Variants in NEK11 observed in about 807,000 individuals in gnomAD.
NEK11 encodes the protein serine/threonine-protein kinase Nek11.
NEK11 carries 72 observed loss-of-function variants against 80.7 expected under a neutral mutation model. That is an observed-to-expected ratio of 0.89 (90% CI 0.74 to 1.08). The LOEUF (loss-of-function observed/expected upper bound fraction) is 1.08, where lower values mean the gene tolerates loss of function less well. NEK11 is among the 50% of genes least tolerant of loss of function. NEK11 has a pLI of 0.00. For synonymous variants in NEK11, 251 were observed against 260.7 expected (o/e 0.96, Z 0.36); for missense variants, 764 against 763.6 (o/e 1.00, Z -0.01).
At chr3:131,320,951 T>C (rs1162270758) in intron 17 of NEK11, among the ~76,000 whole-genome samples, 2 of 152,148 alleles carry the variant, frequency 1.3e-5, no homozygotes, top group African/African-American at 4.8e-5. Context: ...TTCAATGCTA[T>C]TGCTATCAAA....
intron 8 of NEK11, 22 bp from the exon 9 acceptor site, chr3:131,152,609 A>G (rs778100885): frequency 3.0e-5 from 48 of 1,608,174 alleles, no homozygotes; most frequent in Non-Finnish European, 4.1e-5. Context: ...CTGAAAAATA[A>G]TTTTCTGTTT....
chr3:131,048,763 CTCTG>C (rs1285145895), intron 3 of NEK11, among the ~76,000 whole-genome samples: 5 of 152,228 alleles, frequency 3.3e-5, no homozygotes, highest in Non-Finnish European at 7.3e-5. Flanking sequence ...TCACACGCTG[CTCTG>C]TCTGTCTGAG....
chr3:131,219,916 C>T (rs997692625), intron 14 of NEK11, among the ~76,000 whole-genome samples: 9 of 152,136 alleles, frequency 5.9e-5, no homozygotes, highest in African/African-American at 2.2e-4. Context: ...ATGAGAACAC[C>T]GTGACCCAGA....
At chr3:131,173,103 T>A (rs940691578) in intron 14 of NEK11, among the ~76,000 whole-genome samples, 7 of 152,294 alleles carry the variant, frequency 4.6e-5, no homozygotes, top group African/African-American at 1.7e-4. Context: ...ACCTGTTGTT[T>A]AGCATATAAT....
At chr3:131,223,448 G>C (rs1453880845) in intron 14 of NEK11, among the ~76,000 whole-genome samples, 1 of 152,108 alleles carries the variant, frequency 6.6e-6, no homozygotes, top group Non-Finnish European at 1.5e-5. Flanking sequence ...AGGGACTAAG[G>C]CTGTCTGTAC....
At chr3:131,068,690 A>G (rs1441723260) in intron 3 of NEK11, among the ~76,000 whole-genome samples, 1 of 152,190 alleles carries the variant, frequency 6.6e-6, no homozygotes, top group Non-Finnish European at 1.5e-5. Flanking sequence ...TGTGTGTGTT[A>G]CAAATCAATG....
chr3:131,310,366 C>T (rs1293258726), intron 17 of NEK11, among the ~76,000 whole-genome samples: 1 of 152,130 alleles, frequency 6.6e-6, no homozygotes, highest in Non-Finnish European at 1.5e-5. Flanking sequence ...GGACAAGATG[C>T]AAGGCTCCAG....
intron 16 of NEK11, among the ~76,000 whole-genome samples, chr3:131,257,186 G>A (rs2095832312): frequency 6.6e-6 from 1 of 151,470 alleles, no homozygotes; most frequent in Non-Finnish European, 1.5e-5. Context: ...TGTAGAGATG[G>A]GGTTTTGCCA....
chr3:131,211,998 G>A (rs189478591), intron 14 of NEK11, among the ~76,000 whole-genome samples: 26 of 152,224 alleles, frequency 1.7e-4, no homozygotes, highest in African/African-American at 6.3e-4. Flanking sequence ...TTCCAGCTTT[G>A]TTCAGTTGCT....
chr3:131,152,997 G>A (rs1311378652), intron 9 of NEK11, among the ~76,000 whole-genome samples: 2 of 152,160 alleles, frequency 1.3e-5, no homozygotes, highest in African/African-American at 4.8e-5. Flanking sequence ...TGAGGCAGGA[G>A]GATCACTCGA....
At chr3:131,049,722 A>T (rs2109975823) in intron 3 of NEK11, among the ~76,000 whole-genome samples, 1 of 152,262 alleles carries the variant, frequency 6.6e-6, no homozygotes, top group Admixed American at 6.5e-5. Flanking sequence ...TATTTCCTAT[A>T]TTGCCTCATT....
intron 5 of NEK11, among the ~76,000 whole-genome samples, chr3:131,126,959 CTTTTTTTTTTT>C (rs71133688): frequency 6.7e-5 from 6 of 90,118 alleles, no homozygotes; most frequent in African/African-American, 2.8e-4. Context: ...TTCTTTCTTT[CTTTTTTTTTTT>C]TTTTTTTTTT....
At chr3:131,337,637 AAAT>A (rs2097209293) in intron 17 of NEK11, among the ~76,000 whole-genome samples, 1 of 116,270 alleles carries the variant, frequency 8.6e-6, no homozygotes. Flanking sequence ...TTAAAATAAT[AAAT>A]AAATAAAAAT....
intron 3 of NEK11, among the ~76,000 whole-genome samples, chr3:131,077,108 T>TAGAA (rs959626456): frequency 1.3e-5 from 2 of 152,202 alleles, no homozygotes; most frequent in Admixed American, 6.5e-5. Flanking sequence ...TCACTGATGC[T>TAGAA]AGAAAGAAAG....
chr3:131,139,212 G>A (rs891575490), intron 7 of NEK11, among the ~76,000 whole-genome samples: 11 of 151,860 alleles, frequency 7.2e-5, no homozygotes, highest in African/African-American at 2.7e-4. Flanking sequence ...TCAAGCAGAA[G>A]TTCTGGACTT....
chr3:131,111,491 A>G (rs1233722770), intron 5 of NEK11, among the ~76,000 whole-genome samples: 1 of 152,124 alleles, frequency 6.6e-6, no homozygotes, highest in Non-Finnish European at 1.5e-5. Flanking sequence ...AATTAAAAAT[A>G]AGTCTCAACC....
intron 17 of NEK11, among the ~76,000 whole-genome samples, chr3:131,315,721 C>T (rs1343646213): frequency 2.0e-5 from 3 of 151,926 alleles, no homozygotes; most frequent in Admixed American, 6.6e-5. Flanking sequence ...CACCAACCCC[C>T]GACAGGCCCC....
chr3:131,099,997 T>C (rs2078122353), intron 4 of NEK11, among the ~76,000 whole-genome samples: 1 of 152,176 alleles, frequency 6.6e-6, no homozygotes. Flanking sequence ...AGTAGTATGT[T>C]GAATGGGAGT....
chr3:131,127,596 A>G (rs577813825), intron 5 of NEK11, among the ~76,000 whole-genome samples: 73 of 152,080 alleles, frequency 4.8e-4, no homozygotes, highest in African/African-American at 1.6e-3. Flanking sequence ...TCCTTGTCCA[A>G]TAATTTCAAT....
Sources: allele counts gnomAD v4.1 joint callset (sites outside exome capture counted in the v4.1 genomes callset), GRCh38; gene constraint gnomAD v4.1.1; transcripts MANE v1.5; gene names NCBI Gene and HGNC (gene_info 2026-07-23, HGNC 2026-07-21).